Variants in PKIG observed in about 807,000 individuals in gnomAD.
PKIG encodes the protein protein kinase (cAMP-dependent, catalytic) inhibitor gamma.
PKIG carries 1 observed loss-of-function variant against 6.8 expected under a neutral mutation model. That is an observed-to-expected ratio of 0.15 (90% CI 0.05 to 0.69). PKIG has a LOEUF of 0.69. Ranked by LOEUF, PKIG falls within the 30% of genes least tolerant of loss-of-function variation. PKIG has a pLI of 0.82. For missense variants in PKIG, 77 were observed against 104.0 expected, an observed-to-expected ratio of 0.74 and a Z score of 1.13; for synonymous variants, 39 against 43.0, an observed-to-expected ratio of 0.91 and a Z score of 0.36.
intron 2 of PKIG, among the ~76,000 whole-genome samples, chr20:44,593,563 AAGAG>A (rs1423696973): frequency 6.6e-6 from 1 of 152,182 alleles, no homozygotes; most frequent in Admixed American, 6.5e-5. Flanking sequence ...GAGTTGAACT[AAGAG>A]AGAGTAGAAG....
At chr20:44,596,599 G>C (rs575626711) in intron 2 of PKIG, among the ~76,000 whole-genome samples, 3 of 152,190 alleles carry the variant, frequency 2.0e-5, no homozygotes, top group Admixed American at 6.5e-5. Flanking sequence ...TTGTTCAACC[G>C]GTATTTACCT....
intron 1 of PKIG, among the ~76,000 whole-genome samples, chr20:44,571,990 C>T (rs778721679): frequency 7.9e-5 from 12 of 152,164 alleles, no homozygotes; most frequent in African/African-American, 2.4e-5. Context: ...AGCATCTTTA[C>T]GACAATATAC....
chr20:44,607,246 G>T (rs1053682952), intron 2 of PKIG, among the ~76,000 whole-genome samples: 3 of 151,816 alleles, frequency 2.0e-5, no homozygotes, highest in Non-Finnish European at 4.4e-5. Flanking sequence ...ATTACTTTGG[G>T]TTTGTTTTCA....
At chr20:44,601,033 G>A (rs74494957) in intron 2 of PKIG, among the ~76,000 whole-genome samples, 178 of 152,230 alleles carry the variant, frequency 1.2e-3, no homozygotes, top group Non-Finnish European at 2.0e-3. Context: ...CAAAGGTCCC[G>A]GCAGTAGCAG....
At chr20:44,600,700 A>AG (rs1178288854) in intron 2 of PKIG, among the ~76,000 whole-genome samples, 4 of 152,078 alleles carry the variant, frequency 2.6e-5, no homozygotes, top group African/African-American at 4.8e-5. Flanking sequence ...TTAAAAAAAA[A>AG]AAGAAGAAGA....
rs570284675 is a variant in PKIG, at chr20:44,593,696, T to A, written c.-24+3830T>A. Among the ~76,000 whole-genome samples the A allele has an allele frequency of 4.0e-3, 609 of 152,306 alleles. 8 individuals carry two copies. The highest frequency in any genetic ancestry group is 0.013 in the African/African-American group (547 of 41,562). ...GGCGACCTAATGTACAGCATGGTAATTACAGTTAATAATATGGTATTGTAT... is the reference window on the plus strand; with the variant it reads ...GGCGACCTAATGTACAGCATGGTAAATACAGTTAATAATATGGTATTGTAT... On this transcript the variant is annotated intron_variant, in intron 2 of 3. Coordinates refer to ENST00000372886, the MANE Select transcript of PKIG (RefSeq NM_001281445.2).
chr20:44,543,686 T>C (rs1443127761), intron 1 of PKIG, among the ~76,000 whole-genome samples: 3 of 152,204 alleles, frequency 2.0e-5, no homozygotes, highest in Non-Finnish European at 4.4e-5. Context: ...GGCTTCTTCC[T>C]CAGGCTAGCA....
chr20:44,560,714 C>T (rs1013631663), intron 1 of PKIG, among the ~76,000 whole-genome samples: 3 of 152,216 alleles, frequency 2.0e-5, no homozygotes, highest in Admixed American at 6.5e-5. Flanking sequence ...TGCCACCAAG[C>T]TTCTAGGTGT....
At chr20:44,576,434 G>A (rs1033226956) in intron 1 of PKIG, among the ~76,000 whole-genome samples, 7 of 152,106 alleles carry the variant, frequency 4.6e-5, no homozygotes, top group South Asian at 2.1e-4. Context: ...AGAAAAGGGC[G>A]CCCTAGGGAA....
At chr20:44,551,256 G>A (rs565316195) in intron 1 of PKIG, among the ~76,000 whole-genome samples, 8 of 152,142 alleles carry the variant, frequency 5.3e-5, no homozygotes, top group South Asian at 4.2e-4. Flanking sequence ...GGGTTTCACC[G>A]TGTTAGCCAG....
intron 1 of PKIG, among the ~76,000 whole-genome samples, chr20:44,547,611 A>G (rs2064627290): frequency 6.6e-6 from 1 of 152,162 alleles, no homozygotes. Flanking sequence ...CACCATTACT[A>G]TCACTCCTGC....
intron 2 of PKIG, among the ~76,000 whole-genome samples, chr20:44,606,397 A>G (rs754996834): frequency 2.6e-5 from 4 of 152,212 alleles, no homozygotes; most frequent in African/African-American, 7.2e-5. Context: ...GGGGATTGCT[A>G]TGGTTTGAAT....
At chr20:44,578,839 G>C (rs2064922973), upstream of PKIG, among the ~76,000 whole-genome samples, 1 of 152,112 alleles carries the variant, frequency 6.6e-6, no homozygotes, top group African/African-American at 2.4e-5. Flanking sequence ...CTACCTCATA[G>C]AGATCCTTAT....
chr20:44,574,430 T>C (rs373345605), intron 1 of PKIG, among the ~76,000 whole-genome samples: 1 of 152,212 alleles, frequency 6.6e-6, no homozygotes, highest in South Asian at 2.1e-4. Flanking sequence ...TACCACCCAT[T>C]ACCCGGCTTC....
intron 1 of PKIG, among the ~76,000 whole-genome samples, chr20:44,546,873 A>G (rs1222747430): frequency 6.6e-6 from 1 of 152,154 alleles, no homozygotes; most frequent in Non-Finnish European, 1.5e-5. Flanking sequence ...ATTTTAAATA[A>G]TGTGAAGTTT....
intron 1 of PKIG, among the ~76,000 whole-genome samples, chr20:44,565,935 G>A (rs2064806999): frequency 6.6e-6 from 1 of 152,166 alleles, no homozygotes. Context: ...GCTAATTTTT[G>A]TATTTTTGTA....
chr20:44,571,271 A>T (rs1187622941), intron 1 of PKIG, among the ~76,000 whole-genome samples: 2 of 150,982 alleles, frequency 1.3e-5, no homozygotes, highest in Non-Finnish European at 3.0e-5. Flanking sequence ...ACCTGAAAAA[A>T]TTTTTAAATA....
At chr20:44,597,969 A>G (rs560543683) in intron 2 of PKIG, among the ~76,000 whole-genome samples, 23 of 152,314 alleles carry the variant, frequency 1.5e-4, no homozygotes, top group Non-Finnish European at 2.9e-4. Flanking sequence ...CAACAGCAAT[A>G]GTTTCTTATA....
intron 2 of PKIG, among the ~76,000 whole-genome samples, chr20:44,611,451 C>T (rs962590776): frequency 3.3e-5 from 5 of 151,996 alleles, no homozygotes; most frequent in African/African-American, 1.2e-4. Flanking sequence ...ACCAGCTTTC[C>T]ATCCTTTCCT....
Sources: gnomAD v4.1 joint callset for allele counts (sites outside exome capture counted in the v4.1 genomes callset) on GRCh38, gnomAD v4.1.1 for gene constraint, MANE v1.5 for transcripts, NCBI Gene and HGNC (gene_info 2026-07-23, HGNC 2026-07-21) for gene names.